TAS2R1: variants seen among roughly 807,000 people sequenced by gnomAD.
TAS2R1 encodes the protein taste receptor type 2 member 1.
For synonymous variants in TAS2R1, 141 were observed against 134.2 expected (o/e 1.05, Z -0.35); for missense variants, 370 against 353.4 (o/e 1.05, Z -0.38).
At chr5:9,838,156 C>A in the TAS2R1 span, among the ~76,000 whole-genome samples, 1 of 152,154 alleles carries the variant, frequency 6.6e-6, no homozygotes. Context: ...AAGCACAGAT[C>A]CCTGGGTATA....
chr5:9,821,365 T>C, the TAS2R1 span, among the ~76,000 whole-genome samples: 1 of 152,198 alleles, frequency 6.6e-6, no homozygotes, highest in African/African-American at 2.4e-5. Flanking sequence ...TTTCCATGCT[T>C]GGTGAGGAGT....
upstream of TAS2R1, among the ~76,000 whole-genome samples, chr5:9,630,790 A>T (rs1448596997): frequency 6.6e-6 from 1 of 152,232 alleles, no homozygotes; most frequent in Non-Finnish European, 1.5e-5. Context: ...TTTTTCCAAA[A>T]TTATGAGAGT....
the TAS2R1 span, among the ~76,000 whole-genome samples, chr5:9,887,940 A>G: frequency 6.6e-6 from 1 of 152,128 alleles, no homozygotes; most frequent in Non-Finnish European, 1.5e-5. Flanking sequence ...TAGGCAGGAC[A>G]GCAGGGCCAC....
the TAS2R1 span, among the ~76,000 whole-genome samples, chr5:9,719,918 C>CAAAAAAAAA: frequency 1.2e-4 from 8 of 64,096 alleles, no homozygotes; most frequent in African/African-American, 5.7e-4. Context: ...GATTCCGATT[C>CAAAAAAAAA]AAAAAAAAAA....
the TAS2R1 span, among the ~76,000 whole-genome samples, chr5:9,896,533 C>T: frequency 1.3e-5 from 2 of 152,110 alleles, no homozygotes; most frequent in Non-Finnish European, 2.9e-5. Context: ...CGACCCAAAC[C>T]GCCGACCCAA....
At chr5:9,682,235 C>T (rs1448083720) in intron 1 of TAS2R1, among the ~76,000 whole-genome samples, 2 of 152,154 alleles carry the variant, frequency 1.3e-5, no homozygotes, top group Non-Finnish European at 2.9e-5. Flanking sequence ...AGATGATGTA[C>T]AAAACATCAA....
At chr5:9,704,941 A>C (rs1173289044) in intron 1 of TAS2R1, among the ~76,000 whole-genome samples, 1 of 152,270 alleles carries the variant, frequency 6.6e-6, no homozygotes, top group Non-Finnish European at 1.5e-5. Flanking sequence ...GTGTAGGTGC[A>C]CAAATGAGCT....
At chr5:9,880,341 T>C in the TAS2R1 span, among the ~76,000 whole-genome samples, 2 of 152,172 alleles carry the variant, frequency 1.3e-5, no homozygotes, top group Non-Finnish European at 2.9e-5. Context: ...GGATGAACTA[T>C]GGTACATCAG....
chr5:9,664,247 C>T (rs545811875), intron 1 of TAS2R1, among the ~76,000 whole-genome samples: 17 of 152,274 alleles, frequency 1.1e-4, no homozygotes, highest in African/African-American at 2.9e-4. Flanking sequence ...TTCATTTCAC[C>T]GTCTAGCCTC....
chr5:9,723,795 G>A, the TAS2R1 span, among the ~76,000 whole-genome samples: 1 of 152,240 alleles, frequency 6.6e-6, no homozygotes, highest in Non-Finnish European at 1.5e-5. Flanking sequence ...GTGCTGCCGG[G>A]CACAAGGCTC....
the TAS2R1 span, among the ~76,000 whole-genome samples, chr5:9,757,760 C>T: frequency 6.6e-6 from 1 of 152,098 alleles, no homozygotes; most frequent in South Asian, 2.1e-4. Flanking sequence ...CGCTGAAAAA[C>T]ATAATTACCA....
chr5:9,872,530 A>C, the TAS2R1 span, among the ~76,000 whole-genome samples: 1 of 152,228 alleles, frequency 6.6e-6, no homozygotes, highest in Non-Finnish European at 1.5e-5. Context: ...GGAAATAGAT[A>C]TTTAATTAGA....
chr5:9,807,156 G>A, the TAS2R1 span, among the ~76,000 whole-genome samples: 52 of 151,908 alleles, frequency 3.4e-4, 2 homozygotes, highest in Admixed American at 2.1e-3. Flanking sequence ...AAAAAATACC[G>A]AACGTCACTA....
chr5:9,754,024 C>T, the TAS2R1 span, among the ~76,000 whole-genome samples: 2 of 152,086 alleles, frequency 1.3e-5, no homozygotes, highest in African/African-American at 4.8e-5. Context: ...TACTGGCAAA[C>T]CAAATCCAGC....
At chr5:9,791,630 T>C in the TAS2R1 span, among the ~76,000 whole-genome samples, 3 of 151,976 alleles carry the variant, frequency 2.0e-5, no homozygotes, top group South Asian at 6.2e-4. Context: ...ACCCAGGAGG[T>C]GGAGGTTGCA....
chr5:9,842,807 A>C, the TAS2R1 span, among the ~76,000 whole-genome samples: 2 of 151,698 alleles, frequency 1.3e-5, no homozygotes, highest in African/African-American at 4.8e-5. Context: ...GTAAGTCTTG[A>C]CCTCTAATTA....
chr5:9,762,980 T>C, the TAS2R1 span, among the ~76,000 whole-genome samples: 1 of 152,086 alleles, frequency 6.6e-6, no homozygotes, highest in Non-Finnish European at 1.5e-5. Flanking sequence ...CAAGATAACA[T>C]ATATAAGACT....
chr5:9,832,186 T>C, the TAS2R1 span, among the ~76,000 whole-genome samples: 3 of 152,240 alleles, frequency 2.0e-5, no homozygotes, highest in African/African-American at 7.2e-5. Flanking sequence ...TATGCATACA[T>C]TGACATCTTG....
At chr5:9,699,246 C>T (rs190552348) in intron 1 of TAS2R1, among the ~76,000 whole-genome samples, 1 of 152,196 alleles carries the variant, frequency 6.6e-6, no homozygotes, top group Non-Finnish European at 1.5e-5. Context: ...GCTAAATAAT[C>T]GAACATGTAA....
Sources: allele counts gnomAD v4.1 joint callset (sites outside exome capture counted in the v4.1 genomes callset), GRCh38; gene constraint gnomAD v4.1.1; transcripts MANE v1.5; gene names NCBI Gene and HGNC (gene_info 2026-07-23, HGNC 2026-07-21).